Variants in MITF observed in about 807,000 individuals in gnomAD.
MITF encodes microphthalmia-associated transcription factor.
MITF carries 17 observed loss-of-function variants against 60.5 expected under a neutral mutation model. The ratio of observed to expected loss-of-function variants is 0.28; its 90% CI spans 0.19 to 0.42. The LOEUF (loss-of-function observed/expected upper bound fraction) is 0.42, where lower values mean the gene tolerates loss of function less well. MITF is among the 10% of genes least tolerant of loss of function. The pLI, the probability that MITF is intolerant of heterozygous loss-of-function variation, is 1.00. For missense variants in MITF, 622 were observed against 683.5 expected (o/e 0.91, Z 1.00); for synonymous variants, 260 against 248.5 (o/e 1.05, Z -0.43).
intron 1 of MITF, among the ~76,000 whole-genome samples, chr3:69,761,910 T>C (rs2062217786): frequency 1.3e-5 from 2 of 152,240 alleles, no homozygotes; most frequent in South Asian, 4.1e-4. Flanking sequence ...GTTCTACTAC[T>C]GAACATGAAC....
chr3:69,959,405 G>C lies in MITF; in HGVS notation c.1164G>C (p.Leu388Phe), dbSNP rs200819630. Residue 388 changes from leucine (L) to phenylalanine (F), a missense_variant, in exon 9 of 10, where the codon TTG becomes TTC. Physicochemically the swap from Leu to Phe is conservative, Grantham distance 22. Transcript: ENST00000352241. ...QKKLEHANRH[L>F]LLRIQELEMQ... ...AACTGGAGCACGCCAACCGGCATTT[G>C]TTGCTCAGAATACAGGTACGCAGCC... 2 of 1,613,912 alleles carry C rather than the reference G, an allele frequency of 1.2e-6. No homozygotes were observed. The highest frequency in any genetic ancestry group is 4.5e-5 in the East Asian group (2 of 44,852).
At chr3:69,838,520 T>C (rs1238780027) in intron 1 of MITF, 2 of 152,594 alleles carry the variant, frequency 1.3e-5, no homozygotes, top group Admixed American at 1.3e-4. Context: ...CAGGGGTTAG[T>C]AGGTGGATGG....
chr3:69,941,392 T>A, intron 5 of MITF, 61 bp downstream of exon 5: 1 of 1,019,826 alleles, frequency 9.8e-7, no homozygotes. Context: ...CTTTTCTTTT[T>A]TCTTAAACTT....
intron 1 of MITF, among the ~76,000 whole-genome samples, chr3:69,818,773 T>C (rs536271821): frequency 1.3e-5 from 2 of 152,284 alleles, no homozygotes; most frequent in South Asian, 2.1e-4. Context: ...TTAATGAACA[T>C]TTTCATAAAA....
intron 1 of MITF, among the ~76,000 whole-genome samples, chr3:69,774,112 G>C (rs907416228): frequency 4.6e-5 from 7 of 152,132 alleles, no homozygotes; most frequent in Admixed American, 2.0e-4. Flanking sequence ...CTAATATTCA[G>C]GTATGTCTTC....
chr3:69,948,643 A>C (rs577755828), intron 5 of MITF, among the ~76,000 whole-genome samples: 7 of 152,304 alleles, frequency 4.6e-5, no homozygotes, highest in African/African-American at 1.4e-4. Flanking sequence ...TTTAATGGAA[A>C]GTCCTATTTG....
intron 2 of MITF, among the ~76,000 whole-genome samples, chr3:69,901,320 T>C (rs2064991547): frequency 6.6e-6 from 1 of 152,160 alleles, no homozygotes. Context: ...ATATAGTGTG[T>C]TGTTAATAAT....
chr3:69,880,168 G>C (rs2064453741), intron 2 of MITF, among the ~76,000 whole-genome samples: 1 of 152,128 alleles, frequency 6.6e-6, no homozygotes, highest in Admixed American at 6.5e-5. Flanking sequence ...TTTAGTACCT[G>C]CTCACCTAAT....
chr3:69,892,660 C>G (rs183071190), intron 2 of MITF, among the ~76,000 whole-genome samples: 3 of 152,308 alleles, frequency 2.0e-5, no homozygotes, highest in Admixed American at 2.0e-4. Flanking sequence ...TATTTAAATT[C>G]TACTTTTAGA....
At chr3:69,770,741 A>G (rs2106836898) in intron 1 of MITF, among the ~76,000 whole-genome samples, 1 of 152,308 alleles carries the variant, frequency 6.6e-6, no homozygotes, top group East Asian at 1.9e-4. Context: ...GGCAAGATAA[A>G]TAAGGTCAAA....
chr3:69,951,395 T>C (rs879860663), intron 6 of MITF, among the ~76,000 whole-genome samples: 2 of 152,132 alleles, frequency 1.3e-5, no homozygotes, highest in African/African-American at 2.4e-5. Context: ...TCAGTTTTTA[T>C]ATCAGCACGT....
chr3:69,946,553 C>T (rs2066101138), intron 5 of MITF, among the ~76,000 whole-genome samples: 1 of 152,126 alleles, frequency 6.6e-6, no homozygotes, highest in Admixed American at 6.5e-5. Flanking sequence ...AGATGCCATA[C>T]ACAAAGTGCC....
chr3:69,780,163 T>G (rs1237513416), intron 1 of MITF, among the ~76,000 whole-genome samples: 1 of 152,112 alleles, frequency 6.6e-6, no homozygotes, highest in African/African-American at 2.4e-5. Flanking sequence ...GCAATGCAAC[T>G]GAAGGAAAAT....
intron 1 of MITF, among the ~76,000 whole-genome samples, chr3:69,854,406 G>A (rs2063879974): frequency 6.6e-6 from 1 of 152,150 alleles, no homozygotes; most frequent in Non-Finnish European, 1.5e-5. Flanking sequence ...TATATCTTAT[G>A]TACATCCTTA....
At chr3:69,845,438 C>CTTT (rs202135701) in intron 1 of MITF, among the ~76,000 whole-genome samples, 18 of 133,670 alleles carry the variant, frequency 1.3e-4, no homozygotes, top group Non-Finnish European at 2.0e-4. Context: ...TTTCTTTTTT[C>CTTT]TTTCTTTTTT....
chr3:69,965,026 C>CA lies in MITF; in HGVS notation c.1360dup (p.Thr454AsnfsTer13). On this transcript the variant is annotated frameshift_variant, in exon 10 of 10. Coordinates refer to ENST00000352241, the MANE Select transcript of MITF (RefSeq NM_001354604.2). LOFTEE classifies it high-confidence loss of function. The stretch of plus-strand genomic sequence containing the variant: ...CAACAACTCTCGATCTCACGGATGG[C>CA]ACCATCACCTTCAACAACAACCTCG... The CA allele has an allele frequency of 6.2e-7, 1 of 1,614,138 alleles. No homozygotes were observed.
intron 1 of MITF, among the ~76,000 whole-genome samples, chr3:69,761,961 T>C (rs553586513): frequency 2.6e-5 from 4 of 152,354 alleles, no homozygotes; most frequent in Admixed American, 6.5e-5. Flanking sequence ...CTCATCTCTT[T>C]TTCCCTCTCT....
intron 1 of MITF, among the ~76,000 whole-genome samples, chr3:69,832,197 G>T (rs972706648): frequency 5.9e-5 from 9 of 152,208 alleles, no homozygotes; most frequent in Admixed American, 5.2e-4. Flanking sequence ...CTCTTAGGAG[G>T]TTGTAGACAG....
intron 1 of MITF, among the ~76,000 whole-genome samples, chr3:69,747,279 G>A (rs538702541): frequency 2.6e-5 from 4 of 152,198 alleles, no homozygotes; most frequent in Non-Finnish European, 4.4e-5. Context: ...ATTAAATGGA[G>A]CATTATTGGT....
Sources: allele counts gnomAD v4.1 joint callset (sites outside exome capture counted in the v4.1 genomes callset), GRCh38; gene constraint gnomAD v4.1.1; transcripts MANE v1.5; gene names NCBI Gene and HGNC (gene_info 2026-07-23, HGNC 2026-07-21).